Variants in ROBO2 observed in about 807,000 individuals in gnomAD.
ROBO2 encodes the protein roundabout guidance receptor 2.
ROBO2 carries 53 observed loss-of-function variants against 160.8 expected under a neutral mutation model. The observed-to-expected ratio is 0.33, with a 90% CI of 0.26 to 0.41. ROBO2 has a LOEUF of 0.41. Ranked by LOEUF, ROBO2 falls within the 10% of genes least tolerant of loss-of-function variation. ROBO2 has a pLI of 1.00. For missense variants in ROBO2, 1,577 were observed against 1,722.4 expected, an observed-to-expected ratio of 0.92 and a Z score of 1.49; for synonymous variants, 664 against 611.7, an observed-to-expected ratio of 1.09 and a Z score of -1.26.
intron 2 of ROBO2, among the ~76,000 whole-genome samples, chr3:76,294,578 AGC>A (rs747701034): frequency 7.6e-4 from 115 of 152,100 alleles, no homozygotes; most frequent in Non-Finnish European, 1.1e-3. Flanking sequence ...TGTATCCTAG[AGC>A]CAATATATTC....
intron 2 of ROBO2, among the ~76,000 whole-genome samples, chr3:76,828,530 C>T (rs2109273250): frequency 6.6e-6 from 1 of 152,218 alleles, no homozygotes; most frequent in African/African-American, 2.4e-5. Flanking sequence ...ACCAAAATTA[C>T]TAGAGCATAA....
intron 6 of ROBO2, among the ~76,000 whole-genome samples, chr3:77,536,384 C>A (rs1357293817): frequency 6.6e-6 from 1 of 151,934 alleles, no homozygotes; most frequent in Admixed American, 6.6e-5. Context: ...TTCTCTCTCT[C>A]TTTCCCTCTC....
At chr3:76,609,909 T>C (rs1160347440) in intron 2 of ROBO2, among the ~76,000 whole-genome samples, 2 of 152,200 alleles carry the variant, frequency 1.3e-5, no homozygotes, top group Admixed American at 1.3e-4. Flanking sequence ...AATTAGGGCT[T>C]AGAGATGTTG....
chr3:76,602,854 G>A (rs1312221603), intron 2 of ROBO2, among the ~76,000 whole-genome samples: 4 of 152,158 alleles, frequency 2.6e-5, no homozygotes, highest in African/African-American at 4.8e-5. Context: ...CAGCCAAACC[G>A]TATCAGTCTC....
chr3:77,141,381 G>T (rs1365011321), intron 2 of ROBO2, among the ~76,000 whole-genome samples: 1 of 150,762 alleles, frequency 6.6e-6, no homozygotes, highest in African/African-American at 2.4e-5. Flanking sequence ...ACCTACTATT[G>T]GTCCCACTCT....
intron 2 of ROBO2, among the ~76,000 whole-genome samples, chr3:76,573,934 C>G (rs1214575601): frequency 6.6e-6 from 1 of 152,080 alleles, no homozygotes; most frequent in Non-Finnish European, 1.5e-5. Flanking sequence ...GGAAGTCTTA[C>G]TAATTCTGCA....
intron 2 of ROBO2, among the ~76,000 whole-genome samples, chr3:76,977,935 T>C (rs1355354753): frequency 6.6e-6 from 1 of 152,168 alleles, no homozygotes; most frequent in African/African-American, 2.4e-5. Context: ...CATGGACCTA[T>C]TTATACTTTG....
chr3:76,923,802 C>A (rs761609605), intron 2 of ROBO2, among the ~76,000 whole-genome samples: 3 of 152,196 alleles, frequency 2.0e-5, no homozygotes, highest in Non-Finnish European at 4.4e-5. Context: ...GCAACTTACC[C>A]TTTCTTTCTG....
chr3:76,820,055 T>G (rs2109112048), intron 2 of ROBO2, among the ~76,000 whole-genome samples: 1 of 152,244 alleles, frequency 6.6e-6, no homozygotes, highest in Middle Eastern at 3.4e-3. Flanking sequence ...ACAGCCTGAC[T>G]TGAGTTCAAT....
Position 77,590,603 on chromosome 3 carries a change from G to A in ROBO2, c.2683+1670G>A, listed in dbSNP as rs1270676661. On this transcript the variant is annotated intron_variant, in intron 17 of 25. Transcript: ENST00000461745. ...CTATTTTGTGTTTATCCCTTTGCTT[G>A]ATGTTAGCAATGATAATAAAAAATT... Among the ~76,000 whole-genome samples, 35 of 152,056 alleles carry A rather than the reference G, an allele frequency of 2.3e-4. 2 individuals are homozygous for A. Among genetic ancestry groups the A allele is most frequent in the Admixed American group, 2.3e-3 (35 of 15,244 alleles).
At chr3:76,782,597 T>C (rs2062717532) in intron 2 of ROBO2, among the ~76,000 whole-genome samples, 1 of 150,824 alleles carries the variant, frequency 6.6e-6, no homozygotes, top group Non-Finnish European at 1.5e-5. Flanking sequence ...GTAATGTCCA[T>C]TTGATAAACT....
At chr3:77,108,229 C>T (rs926271003) in intron 2 of ROBO2, among the ~76,000 whole-genome samples, 2 of 131,450 alleles carry the variant, frequency 1.5e-5, no homozygotes, top group African/African-American at 5.7e-5. Context: ...TACACATATG[C>T]ATATATATGT....
intron 2 of ROBO2, among the ~76,000 whole-genome samples, chr3:77,252,831 A>AATAT (rs1553872376): frequency 0.028 from 348 of 12,532 alleles, 26 homozygotes; most frequent in Admixed American, 0.055. Flanking sequence ...AAAAAAAAAA[A>AATAT]ATATATATAT....
At chr3:77,120,028 A>G (rs2074592794) in intron 2 of ROBO2, among the ~76,000 whole-genome samples, 1 of 152,226 alleles carries the variant, frequency 6.6e-6, no homozygotes, top group Non-Finnish European at 1.5e-5. Flanking sequence ...AATAAACCCT[A>G]TTAAGCATGA....
At chr3:77,061,577 T>C (rs1370908209) in intron 1 of ROBO2, among the ~76,000 whole-genome samples, 1 of 152,178 alleles carries the variant, frequency 6.6e-6, no homozygotes, top group Non-Finnish European at 1.5e-5. Flanking sequence ...GTCTGGTTGA[T>C]TGTCCAGTCA....
At chr3:77,149,151 T>C (rs1418326485) in intron 2 of ROBO2, among the ~76,000 whole-genome samples, 1 of 150,940 alleles carries the variant, frequency 6.6e-6, no homozygotes, top group Non-Finnish European at 1.5e-5. Flanking sequence ...TTCTCCTGCC[T>C]AGCCTCCTGA....
At chr3:76,065,639 T>G (rs2068225778) in intron 2 of ROBO2, among the ~76,000 whole-genome samples, 1 of 151,310 alleles carries the variant, frequency 6.6e-6, no homozygotes, top group African/African-American at 2.4e-5. Flanking sequence ...GAAGTAAAAA[T>G]TATCTGACAA....
At chr3:76,523,928 T>A (rs1207007529) in intron 2 of ROBO2, among the ~76,000 whole-genome samples, 1 of 151,848 alleles carries the variant, frequency 6.6e-6, no homozygotes, top group Non-Finnish European at 1.5e-5. Flanking sequence ...AAACAATGAT[T>A]TCAAGTGAAT....
At chr3:76,741,096 C>T (rs1228851137) in intron 2 of ROBO2, among the ~76,000 whole-genome samples, 1 of 152,002 alleles carries the variant, frequency 6.6e-6, no homozygotes, top group Non-Finnish European at 1.5e-5. Flanking sequence ...CCCTGTAGGA[C>T]ATTTCTAATC....
Sources: allele counts gnomAD v4.1 joint callset (sites outside exome capture counted in the v4.1 genomes callset), GRCh38; gene constraint gnomAD v4.1.1; transcripts MANE v1.5; gene names NCBI Gene and HGNC (gene_info 2026-07-23, HGNC 2026-07-21).